RAPGEF5: variants seen among roughly 807,000 people sequenced by gnomAD.
RAPGEF5 encodes the protein M-Ras-regulated GEF.
A neutral mutation model predicts 125.2 loss-of-function variants in RAPGEF5; 65 were observed. The ratio of observed to expected loss-of-function variants is 0.52; its 90% CI spans 0.43 to 0.64. RAPGEF5 has a LOEUF of 0.64. RAPGEF5 is among the 30% of genes least tolerant of loss of function. RAPGEF5 has a pLI of 0.00. For synonymous variants in RAPGEF5, 391 were observed against 385.9 expected, an observed-to-expected ratio of 1.01 and a Z score of -0.16; for missense variants, 958 against 1,048.1, an observed-to-expected ratio of 0.91 and a Z score of 1.19.
At chr7:22,150,839 T>C (rs1009406750) in intron 17 of RAPGEF5, among the ~76,000 whole-genome samples, 2 of 152,210 alleles carry the variant, frequency 1.3e-5, no homozygotes, top group Non-Finnish European at 1.5e-5. Context: ...TGGTTACACT[T>C]AGGTCTATTT....
intron 7 of RAPGEF5, among the ~76,000 whole-genome samples, chr7:22,265,892 G>T (rs900790386): frequency 6.6e-6 from 1 of 152,144 alleles, no homozygotes; most frequent in South Asian, 2.1e-4. Context: ...GTTCACTGGG[G>T]AGCCTTATTC....
At chr7:22,267,775 T>A (rs933317300) in intron 6 of RAPGEF5, among the ~76,000 whole-genome samples, 1 of 152,004 alleles carries the variant, frequency 6.6e-6, no homozygotes, top group African/African-American at 2.4e-5. Context: ...TCAATAAAAA[T>A]TCCATAATGA....
chr7:22,171,351 C>T (rs1159223940), intron 11 of RAPGEF5, among the ~76,000 whole-genome samples: 3 of 152,194 alleles, frequency 2.0e-5, no homozygotes, highest in African/African-American at 7.2e-5. Flanking sequence ...TGTTTGTATA[C>T]ATAAAAGTAT....
intron 18 of RAPGEF5, among the ~76,000 whole-genome samples, chr7:22,148,293 C>T (rs984941112): frequency 1.3e-5 from 2 of 152,208 alleles, no homozygotes; most frequent in African/African-American, 4.8e-5. Context: ...CTACTTGGCT[C>T]TTTGTCCCCA....
chr7:22,163,919 C>A lies in RAPGEF5; in HGVS notation c.1284-1378G>T, dbSNP rs573077119. 5.3e-5 allele frequency among the ~76,000 whole-genome samples: 8 copies of A among 152,308 alleles called. No individual in the cohort carries two copies. In the South Asian group the frequency reaches 1.5e-3, roughly 28 times the overall value. On this transcript the variant is annotated intron_variant, in intron 12 of 25. Transcript: ENST00000665637. ...AAATATAATTTAGTCAATGTCTCCC[C>A]ATCCTGCAAAAATACATTAAGACCA... is the stretch of plus-strand genomic sequence containing the variant.
chr7:22,290,847 A>G (rs1782918619), intron 6 of RAPGEF5, among the ~76,000 whole-genome samples: 1 of 151,686 alleles, frequency 6.6e-6, no homozygotes, highest in African/African-American at 2.4e-5. Context: ...TTTTTCCCTA[A>G]TGAAAGAGTC....
At chr7:22,220,078 T>C in intron 8 of RAPGEF5, 87 bp from the exon 9 acceptor site, 2 of 1,476,704 alleles carry the variant, frequency 1.4e-6, no homozygotes, top group Non-Finnish European at 1.9e-6. Context: ...TATAATAAGC[T>C]CATCTTTTCC....
At chr7:22,195,124 C>T (rs2128126632) in intron 9 of RAPGEF5, among the ~76,000 whole-genome samples, 1 of 152,278 alleles carries the variant, frequency 6.6e-6, no homozygotes, top group South Asian at 2.1e-4. Flanking sequence ...CACGTTTCCC[C>T]TACTTACAGA....
chr7:22,259,142 A>G lies in RAPGEF5; in HGVS notation c.796+7822T>C, dbSNP rs1583525461. On this transcript the variant is annotated intron_variant, in intron 7 of 25. Transcript: ENST00000665637. ...AAGAACTGTTATCCAAAATATACAAAGAACTCAAACTCAACAATAAGAAAA... is the reference window on the plus strand; with the variant it reads ...AAGAACTGTTATCCAAAATATACAAGGAACTCAAACTCAACAATAAGAAAA... Among the ~76,000 whole-genome samples the G allele has an allele frequency of 2.0e-5, 3 of 148,546 alleles. No homozygotes were observed. The East Asian group carries it at 6.2e-4, about 31-fold the overall frequency.
At chr7:22,177,505 G>A (rs1388932678) in intron 11 of RAPGEF5, among the ~76,000 whole-genome samples, 1 of 152,240 alleles carries the variant, frequency 6.6e-6, no homozygotes, top group African/African-American at 2.4e-5. Flanking sequence ...GAAAAAGTAA[G>A]GGAGGAAAAT....
rs78891635 is a variant in RAPGEF5, at chr7:22,230,894, G to A, written c.822C>T (p.Asn274=). 429 of 1,563,878 alleles carry A rather than the reference G, an allele frequency of 2.7e-4. 5 individuals carry two copies. The East Asian group carries it at 8.8e-3, about 32-fold the overall frequency. ...KSAIEQDEEN[N]DKHVAVTEAE... is the part of the protein sequence containing the mutation. ...CTTCTGTTACAGCTACATGTTTGTC[G>A]TTGTTTTCTTCATCTTGTTCAATTG... The change falls in exon 8 of 26, where the codon AAC becomes AAT. Residue 274 remains asparagine, a synonymous_variant. Coordinates refer to ENST00000665637, the MANE Select transcript of RAPGEF5 (RefSeq NM_012294.5).
intron 7 of RAPGEF5, among the ~76,000 whole-genome samples, chr7:22,236,524 C>G (rs1263885531): frequency 2.6e-5 from 4 of 152,146 alleles, no homozygotes; most frequent in Non-Finnish European, 5.9e-5. Flanking sequence ...TTTAGATCAC[C>G]ACCAAGTACT....
rs115334821 is a variant in RAPGEF5 at position 22,279,984 on chromosome 7, C to T, written c.747+11191G>A. Among the ~76,000 whole-genome samples, 1,103 of 152,188 alleles carry T rather than the reference C, an allele frequency of 7.2e-3. 8 individuals carry two copies. The highest frequency in any genetic ancestry group is 0.025 in the African/African-American group (1,054 of 41,532). ...TAATGCCCTCGTGCTTCCTATGTGC[C>T]AGTAGAGAGTTGGGTATAGGTCATT... On this transcript the variant is annotated intron_variant, in intron 6 of 25. Coordinates refer to ENST00000665637, the MANE Select transcript of RAPGEF5 (RefSeq NM_012294.5).
At chr7:22,338,171 C>A (rs1312831961) in intron 1 of RAPGEF5, among the ~76,000 whole-genome samples, 2 of 152,194 alleles carry the variant, frequency 1.3e-5, no homozygotes, top group Non-Finnish European at 2.9e-5. Flanking sequence ...CTTGAGGTCT[C>A]AAAACCAGGT....
At chr7:22,333,724 C>T (rs745313299) in intron 1 of RAPGEF5, among the ~76,000 whole-genome samples, 2 of 152,228 alleles carry the variant, frequency 1.3e-5, no homozygotes, top group Admixed American at 6.5e-5. Context: ...CACACCTCCA[C>T]TTGTTATATA....
intron 9 of RAPGEF5, among the ~76,000 whole-genome samples, chr7:22,209,403 G>C (rs538134736): frequency 6.6e-6 from 1 of 152,254 alleles, no homozygotes; most frequent in East Asian, 1.9e-4. Flanking sequence ...GGCCGTGTGT[G>C]CTCTCATCTC....
At chr7:22,238,896 C>T (rs1786255093) in intron 7 of RAPGEF5, among the ~76,000 whole-genome samples, 1 of 152,122 alleles carries the variant, frequency 6.6e-6, no homozygotes, top group African/African-American at 2.4e-5. Flanking sequence ...TAAGTACACT[C>T]AGGTCTGACA....
In RAPGEF5 at chr7:22,162,449, G is replaced by A. The variant is rs1390458590; in HGVS notation, c.1376C>T (p.Ala459Val). ...KVLHLVSQWI[A>V]LYKDWLPEDE... ...TTCAGGTAACCAGTCTTTGTACAGAGCAATCCACTGGGAAACAAGATGCAA... is the reference window on the plus strand; with the variant it reads ...TTCAGGTAACCAGTCTTTGTACAGAACAATCCACTGGGAAACAAGATGCAA... Residue 459 changes from alanine (A) to valine (V), a missense_variant, in exon 13 of 26, where the codon GCT becomes GTT. Coordinates refer to ENST00000665637, the MANE Select transcript of RAPGEF5 (RefSeq NM_012294.5). The A allele has an allele frequency of 1.2e-6, 2 of 1,601,252 alleles. No individual in the cohort carries two copies. The highest frequency in any genetic ancestry group is 1.3e-5 in the African/African-American group (1 of 74,610).
intron 8 of RAPGEF5, among the ~76,000 whole-genome samples, chr7:22,225,200 T>C (rs1427142749): frequency 1.3e-5 from 2 of 152,146 alleles, no homozygotes; most frequent in Non-Finnish European, 2.9e-5. Flanking sequence ...TAAAATGAAC[T>C]TCCCTTTCAG....
Sources: gnomAD v4.1 joint callset for allele counts (sites outside exome capture counted in the v4.1 genomes callset) on GRCh38, gnomAD v4.1.1 for gene constraint, MANE v1.5 for transcripts, NCBI Gene and HGNC (gene_info 2026-07-23, HGNC 2026-07-21) for gene names.